MND1: variants seen among roughly 807,000 people sequenced by gnomAD.
MND1 encodes meiotic nuclear division protein 1 homolog.
MND1 carries 28 observed loss-of-function variants against 35.1 expected under a neutral mutation model. That is an observed-to-expected ratio of 0.80 (90% CI 0.59 to 1.09). The LOEUF is 1.09. Ranked by LOEUF, MND1 falls within the 50% of genes least tolerant of loss-of-function variation. The pLI is 0.00. For missense variants in MND1, 213 were observed against 239.6 expected (o/e 0.89, Z 0.73); for synonymous variants, 69 against 70.5 (o/e 0.98, Z 0.11).
intron 4 of MND1, among the ~76,000 whole-genome samples, chr4:153,386,260 G>A (rs929738644): frequency 9.3e-5 from 14 of 151,120 alleles, no homozygotes; most frequent in African/African-American, 3.4e-4. Context: ...GGAGACTGTG[G>A]CAGGAGGATC....
In MND1 at chr4:153,345,281, G is replaced by A. The variant is rs578074848; in HGVS notation, c.3+541G>A. The A allele has an allele frequency of 1.1e-3, 1,082 of 960,088 alleles. 2 individuals carry two copies. Among genetic ancestry groups the A allele is most frequent in the Non-Finnish European group, 1.2e-3 (1,008 of 806,886 alleles). The allele number at this position is 960,088 out of a possible 1,614,324, so 59.5% of individuals were successfully genotyped here. The stretch of plus-strand genomic sequence containing the variant: ...TCACCATTGAGTGGTTTTCTGTATT[G>A]TAATATGTAGAGCACATTCCAGAAC... On this transcript the variant is annotated intron_variant, in intron 1 of 7. Coordinates refer to ENST00000240488, the MANE Select transcript of MND1 (RefSeq NM_032117.4).
chr4:153,397,860 G>A (rs955061557), intron 6 of MND1, among the ~76,000 whole-genome samples: 1 of 152,130 alleles, frequency 6.6e-6, no homozygotes, highest in African/African-American at 2.4e-5. Flanking sequence ...ATTGAACAGC[G>A]ACAATTTTGA....
At chr4:153,391,642 G>A (rs949756485) in intron 4 of MND1, among the ~76,000 whole-genome samples, 2 of 151,596 alleles carry the variant, frequency 1.3e-5, no homozygotes, top group East Asian at 2.0e-4. Flanking sequence ...CAGCAGAATC[G>A]CTCGAACCTG....
chr4:153,381,658 AT>A, intron 4 of MND1: 2 of 103,734 alleles, frequency 1.9e-5, no homozygotes, highest in Non-Finnish European at 3.7e-5. Context: ...TATATAATAT[AT>A]ATAATATAAT....
chr4:153,357,758 A>G (rs965253352), intron 3 of MND1, among the ~76,000 whole-genome samples: 6 of 152,172 alleles, frequency 3.9e-5, no homozygotes, highest in African/African-American at 4.8e-5. Context: ...ACAAAATTCA[A>G]TCCAGTCTAC....
At chr4:153,351,590 T>C (rs1195941870) in intron 2 of MND1, among the ~76,000 whole-genome samples, 1 of 152,236 alleles carries the variant, frequency 6.6e-6, no homozygotes, top group Non-Finnish European at 1.5e-5. Flanking sequence ...TTGATGAATA[T>C]TAGATTTGCT....
At chr4:153,376,329 G>A (rs1728509333) in intron 4 of MND1, among the ~76,000 whole-genome samples, 1 of 152,128 alleles carries the variant, frequency 6.6e-6, no homozygotes, top group Non-Finnish European at 1.5e-5. Flanking sequence ...GAGAAAAGGA[G>A]TGAGTGTGTT....
At chr4:153,358,372 C>T in intron 3 of MND1, 102 bp from the exon 4 acceptor site, 3 of 996,680 alleles carry the variant, frequency 3.0e-6, no homozygotes, top group Non-Finnish European at 4.2e-6. Context: ...CTTTTTAACT[C>T]TTGATTTGTG....
At chr4:153,353,697 T>G (rs1286401181) in intron 2 of MND1, among the ~76,000 whole-genome samples, 1 of 152,002 alleles carries the variant, frequency 6.6e-6, no homozygotes, top group Admixed American at 6.6e-5. Flanking sequence ...TCCCAATTTT[T>G]TCATAACAAT....
intron 3 of MND1, 54 bp downstream of exon 3, chr4:153,355,765 G>A (rs1773324899): frequency 9.0e-7 from 1 of 1,112,316 alleles, no homozygotes; most frequent in Non-Finnish European, 1.3e-6. Context: ...GGATGTTTTG[G>A]GAAATATCTT....
chr4:153,350,020 A>G (rs765096417), intron 1 of MND1, 44 bp from the exon 2 acceptor site: 2 of 1,353,398 alleles, frequency 1.5e-6, no homozygotes, highest in African/African-American at 1.5e-5. Flanking sequence ...TGTTTTCAAA[A>G]TGTGTTTAAA....
At chr4:153,363,754 A>G (rs951544525) in intron 4 of MND1, among the ~76,000 whole-genome samples, 2 of 152,226 alleles carry the variant, frequency 1.3e-5, no homozygotes, top group Non-Finnish European at 2.9e-5. Context: ...TGGAAAGCCA[A>G]TGGAAATTTT....
intron 2 of MND1, among the ~76,000 whole-genome samples, chr4:153,353,298 A>G (rs1048919861): frequency 9.3e-5 from 14 of 150,928 alleles, no homozygotes; most frequent in African/African-American, 2.7e-4. Flanking sequence ...TCAACATTTT[A>G]TTATGAAAAT....
chr4:153,399,287 A>G (rs1398843555), intron 6 of MND1, among the ~76,000 whole-genome samples: 1 of 152,112 alleles, frequency 6.6e-6, no homozygotes, highest in Non-Finnish European at 1.5e-5. Context: ...CATGGTCCCT[A>G]TTGTACTGCC....
intron 4 of MND1, among the ~76,000 whole-genome samples, chr4:153,375,359 A>G (rs2149642652): frequency 6.6e-6 from 1 of 152,274 alleles, no homozygotes; most frequent in African/African-American, 2.4e-5. Flanking sequence ...ATTTTATGTA[A>G]GAGAAAATGG....
chr4:153,364,518 GA>G (rs70963167), intron 4 of MND1, among the ~76,000 whole-genome samples: 137 of 141,266 alleles, frequency 9.7e-4, no homozygotes, highest in African/African-American at 1.3e-3. Context: ...CCCTGTTTAA[GA>G]AAAAAAAAAA....
intron 4 of MND1, among the ~76,000 whole-genome samples, chr4:153,360,807 A>G (rs1034693323): frequency 1.3e-5 from 2 of 151,228 alleles, no homozygotes; most frequent in Non-Finnish European, 2.9e-5. Context: ...ATATATACAC[A>G]TATATACATA....
At chr4:153,362,464 C>T (rs1773520369) in intron 4 of MND1, among the ~76,000 whole-genome samples, 2 of 152,256 alleles carry the variant, frequency 1.3e-5, no homozygotes, top group South Asian at 2.1e-4. Flanking sequence ...AATGCCTGCT[C>T]GCCCTGAGTA....
intron 7 of MND1, among the ~76,000 whole-genome samples, 153 bp from the exon 8 acceptor site, chr4:153,414,598 T>A (rs1327320141): frequency 6.6e-6 from 1 of 152,188 alleles, no homozygotes; most frequent in East Asian, 1.9e-4. Flanking sequence ...TACTTTTTAA[T>A]TAGTTGCCAT....
Sources: allele counts gnomAD v4.1 joint callset (sites outside exome capture counted in the v4.1 genomes callset), GRCh38; gene constraint gnomAD v4.1.1; transcripts MANE v1.5; gene names NCBI Gene and HGNC (gene_info 2026-07-23, HGNC 2026-07-21).